Variants in ACACA observed in about 807,000 individuals in gnomAD.
ACACA encodes the protein acetyl-CoA carboxylase 1.
In ACACA, 103 loss-of-function variants were observed where a neutral mutation model predicts 296.1. The ratio of observed to expected loss-of-function variants is 0.35; its 90% CI spans 0.30 to 0.41. The LOEUF is 0.41. Ranked by LOEUF, ACACA falls within the 10% of genes least tolerant of loss-of-function variation. ACACA has a pLI of 1.00. For missense variants in ACACA, 1,554 were observed against 2,989.7 expected (o/e 0.52, Z 11.20); for synonymous variants, 953 against 1,038.6 (o/e 0.92, Z 1.58).
intron 51 of ACACA, 132 bp from the exon 52 acceptor site, chr17:37,111,775 C>T: frequency 1.4e-6 from 1 of 727,872 alleles, no homozygotes; most frequent in South Asian, 1.5e-5. Flanking sequence ...CTATGGTTAA[C>T]AGACATCTCC....
At chr17:37,203,834 C>G (rs766284654) in intron 33 of ACACA, among the ~76,000 whole-genome samples, 2 of 152,196 alleles carry the variant, frequency 1.3e-5, no homozygotes, top group Non-Finnish European at 2.9e-5. Flanking sequence ...TATGTGGTCA[C>G]TGGCCAAGGG....
chr17:37,363,353 T>C (rs1003509480), intron 1 of ACACA, among the ~76,000 whole-genome samples: 2 of 151,718 alleles, frequency 1.3e-5, no homozygotes, highest in African/African-American at 4.8e-5. Flanking sequence ...CAGCTAATTT[T>C]TGTATTTTTA....
chr17:37,088,994 T>C lies in ACACA; in HGVS notation c.6972A>G (p.Val2324=). 2 of 1,614,208 alleles carry C rather than the reference T, an allele frequency of 1.2e-6. No homozygotes were observed. Among genetic ancestry groups the C allele is most frequent in the Non-Finnish European group, 1.7e-6 (2 of 1,180,032 alleles). Residue 2324 remains valine, a synonymous_variant, in exon 55 of 56, where the codon GTA becomes GTG. Coordinates refer to ENST00000616317, the MANE Select transcript of ACACA (RefSeq NM_198834.3). ...TGATGCATTTGATGTTTTCCTCTAT[T>C]ACCGAGTGAACACCATCCTCCTCTG... ...QLTEEDGVHS[V]IEENIKCISR...
At chr17:37,286,501 T>C (rs1018388064) in intron 3 of ACACA, among the ~76,000 whole-genome samples, 14 of 152,204 alleles carry the variant, frequency 9.2e-5, no homozygotes, top group Non-Finnish European at 1.8e-4. Flanking sequence ...AAGACTCCTT[T>C]GCTAGCTCCT....
intron 3 of ACACA, among the ~76,000 whole-genome samples, chr17:37,306,644 T>C (rs1242850121): frequency 6.6e-6 from 1 of 152,022 alleles, no homozygotes; most frequent in Non-Finnish European, 1.5e-5. Flanking sequence ...TTATATAATG[T>C]ATGTACTTTA....
intron 1 of ACACA, among the ~76,000 whole-genome samples, chr17:37,390,275 T>TATAATTATATATATATA (rs1568095529): frequency 1.5e-5 from 1 of 68,610 alleles, no homozygotes; most frequent in African/African-American, 6.9e-5. Context: ...ATATATAATA[T>TATAATTATATATATATA]ATTATATATA....
intron 49 of ACACA, among the ~76,000 whole-genome samples, chr17:37,122,215 C>CAT (rs2074560940): frequency 1.3e-5 from 2 of 152,196 alleles, no homozygotes; most frequent in Admixed American, 1.3e-4. Flanking sequence ...TGTGTATACT[C>CAT]AGAGAATAGG....
chr17:37,107,708 C>T (rs1056999198), intron 52 of ACACA, among the ~76,000 whole-genome samples: 12 of 152,236 alleles, frequency 7.9e-5, no homozygotes, highest in Non-Finnish European at 1.3e-4. Context: ...AACAAGTTCC[C>T]CTAAGCGGCT....
intron 16 of ACACA, among the ~76,000 whole-genome samples, chr17:37,250,022 G>C (rs1172732555): frequency 2.0e-5 from 3 of 152,196 alleles, no homozygotes; most frequent in African/African-American, 7.2e-5. Context: ...ATGTGTCTTT[G>C]CTCTTCCTTT....
intron 39 of ACACA, among the ~76,000 whole-genome samples, chr17:37,187,726 A>G (rs1052729246): frequency 6.6e-6 from 1 of 152,226 alleles, no homozygotes; most frequent in Non-Finnish European, 1.5e-5. Context: ...GAAAGGGAAC[A>G]ACATAATAGA....
intron 3 of ACACA, 29 bp downstream of exon 3, chr17:37,330,144 A>G (rs1410408809): frequency 1.9e-6 from 3 of 1,613,372 alleles, no homozygotes; most frequent in African/African-American, 1.3e-5. Context: ...AGACAGATTA[A>G]ATAAGTAGAC....
At position 37,330,302 on chromosome 17, in the gene ACACA, A is replaced by T. The variant is rs747594591; in HGVS notation, c.209T>A (p.Ile70Asn). The T allele has an allele frequency of 1.9e-6, 3 of 1,614,208 alleles. No individual in the cohort carries two copies. Among genetic ancestry groups the T allele is most frequent in the Non-Finnish European group, 2.5e-6 (3 of 1,180,040 alleles). The change falls in exon 3 of 56, where the codon ATC becomes AAC. Residue 70 changes from isoleucine to asparagine, a missense_variant. Physicochemically the swap from Ile to Asn is moderately radical, Grantham distance 149. Around this residue, in one of 16 missense-constraint regions of ACACA, gnomAD observed 140 missense variants for 147.7 expected, o/e 0.95. Coordinates refer to ENST00000616317, the MANE Select transcript of ACACA (RefSeq NM_198834.3). Reference protein sequence around the residue: ...SVSEDNSEDEISNLVKLDLLE... With the variant: ...SVSEDNSEDENSNLVKLDLLE... Reference sequence around the variant, plus strand: ...TAGGTCCAACTTCACCAGGTTGCTGATCTCATCCTCTGAGTTATCTTCAGA... The same window carrying T: ...TAGGTCCAACTTCACCAGGTTGCTGTTCTCATCCTCTGAGTTATCTTCAGA...
intron 54 of ACACA, among the ~76,000 whole-genome samples, chr17:37,093,600 C>T (rs980280619): frequency 6.6e-6 from 1 of 152,118 alleles, no homozygotes; most frequent in Non-Finnish European, 1.5e-5. Context: ...TTGGCCCAAG[C>T]GATGCTCCTG....
intron 26 of ACACA, 47 bp downstream of exon 26, chr17:37,226,292 T>C: frequency 7.1e-7 from 1 of 1,410,416 alleles, no homozygotes; most frequent in Non-Finnish European, 1.0e-6. Context: ...GACTGCCTGA[T>C]CTATGAAAGC....
chr17:37,258,159 T>C, intron 13 of ACACA, 53 bp downstream of exon 13: 1 of 1,586,536 alleles, frequency 6.3e-7, no homozygotes. Context: ...AGATACTATC[T>C]TAACATTAAA....
At chr17:37,258,066 C>T in intron 13 of ACACA, 146 bp downstream of exon 13, 1 of 1,170,370 alleles carries the variant, frequency 8.5e-7, no homozygotes, top group Non-Finnish European at 1.2e-6. Context: ...AATGAAGCAA[C>T]AACCATTTAC....
chr17:37,167,609 G>A (rs568674220), intron 41 of ACACA, among the ~76,000 whole-genome samples: 8 of 150,600 alleles, frequency 5.3e-5, no homozygotes, highest in South Asian at 2.1e-4. Context: ...ACGAGCCACC[G>A]CGCCCAGCCA....
intron 1 of ACACA, among the ~76,000 whole-genome samples, chr17:37,356,036 G>A (rs1438889845): frequency 6.6e-6 from 1 of 151,822 alleles, no homozygotes; most frequent in Non-Finnish European, 1.5e-5. Flanking sequence ...CGGGCATGGT[G>A]GCGCACACCT....
chr17:37,242,201 C>T lies in ACACA; in HGVS notation c.2932-148G>A, dbSNP rs17848792. The T allele has an allele frequency of 5.4e-4, 378 of 700,576 alleles. No homozygotes were observed. The East Asian group carries it at 8.3e-3, about 15-fold the overall frequency. The allele number at this position is 700,576 out of a possible 1,614,324, so 43.4% of individuals were successfully genotyped here. A position where few individuals can be genotyped will look rare whatever the true frequency, so the allele number is the denominator to read the frequency against. ...TTGGCAGCAGCTGGAAGTTACCAGG[C>T]GTAGTCTATATAGAGAATCACGCTA... On this transcript the variant is annotated intron_variant, in intron 22 of 55. Coordinates refer to ENST00000616317, the MANE Select transcript of ACACA (RefSeq NM_198834.3).
Sources: allele counts gnomAD v4.1 joint callset (sites outside exome capture counted in the v4.1 genomes callset), GRCh38; gene constraint gnomAD v4.1.1; regional missense constraint gnomAD v4.1.1; transcripts MANE v1.5; gene names NCBI Gene and HGNC (gene_info 2026-07-23, HGNC 2026-07-21).